QSOX1: variants seen among roughly 807,000 people sequenced by gnomAD.
QSOX1 encodes the protein sulfhydryl oxidase 1.
In QSOX1, 40 loss-of-function variants were observed where a neutral mutation model predicts 76.1. The ratio of observed to expected loss-of-function variants is 0.53; its 90% CI spans 0.41 to 0.68. The LOEUF is 0.68. QSOX1 is among the 30% of genes least tolerant of loss of function. QSOX1 has a pLI of 0.00. For synonymous variants in QSOX1, 392 were observed against 413.1 expected, an observed-to-expected ratio of 0.95 and a Z score of 0.62; for missense variants, 931 against 974.3, an observed-to-expected ratio of 0.96 and a Z score of 0.59.
At chr1:180,168,120 G>A (rs1020934780) in intron 2 of QSOX1, among the ~76,000 whole-genome samples, 2 of 152,258 alleles carry the variant, frequency 1.3e-5, no homozygotes, top group African/African-American at 2.4e-5. Flanking sequence ...GACTCTGCCT[G>A]GGAGAGGCTG....
chr1:180,175,504 T>G, intron 3 of QSOX1, 138 bp downstream of exon 3: 2 of 912,390 alleles, frequency 2.2e-6, no homozygotes, highest in Non-Finnish European at 3.6e-6. Context: ...GAAGCCTAAC[T>G]TGTGTCTTCC....
intron 2 of QSOX1, among the ~76,000 whole-genome samples, chr1:180,166,984 C>T (rs1324169698): frequency 6.6e-6 from 1 of 152,238 alleles, no homozygotes; most frequent in African/African-American, 2.4e-5. Context: ...AGCCTCACCC[C>T]ACTGTCAGAA....
intron 10 of QSOX1, among the ~76,000 whole-genome samples, chr1:180,193,527 G>A (rs1663377164): frequency 6.6e-6 from 1 of 152,000 alleles, no homozygotes; most frequent in Admixed American, 6.6e-5. Flanking sequence ...AGGAAGGAGC[G>A]AGCTTGGAGG....
intron 10 of QSOX1, among the ~76,000 whole-genome samples, chr1:180,192,119 G>T (rs980370277): frequency 6.6e-6 from 1 of 152,138 alleles, no homozygotes; most frequent in African/African-American, 2.4e-5. Flanking sequence ...CTGAGAGGCT[G>T]GGGATTAGGG....
chr1:180,186,333 G>A, intron 8 of QSOX1, 151 bp downstream of exon 8: 3 of 1,106,692 alleles, frequency 2.7e-6, no homozygotes, highest in South Asian at 1.6e-5. Context: ...TCCACCATAG[G>A]TGATACCCTC....
intron 5 of QSOX1, among the ~76,000 whole-genome samples, chr1:180,180,250 G>T (rs1003762231): frequency 6.6e-6 from 1 of 152,164 alleles, no homozygotes; most frequent in Non-Finnish European, 1.5e-5. Context: ...CACTCTTGTT[G>T]CCCAGGCTGG....
At chr1:180,195,001 G>GGT (rs1553275528) in intron 11 of QSOX1, among the ~76,000 whole-genome samples, 1 of 149,092 alleles carries the variant, frequency 6.7e-6, no homozygotes, top group Non-Finnish European at 1.5e-5. Context: ...CCTCCCGGGG[G>GGT]GGGGAGACCA....
Position 180,182,171 on chromosome 1 carries a change from C to T in QSOX1, c.607-3C>T. The stretch of plus-strand genomic sequence containing the variant: ...GCCCCCAGATGTTCTGCTGTCCCTG[C>T]AGGTGGCTCTGGACCTGTCCCAGCA... On this transcript the variant is annotated splice_region_variant and splice_polypyrimidine_tract_variant and intron_variant, in intron 5 of 11. Transcript: ENST00000367602. 6.2e-7 allele frequency: 1 copy of T among 1,613,962 alleles called. No individual in the cohort carries two copies. Among genetic ancestry groups the T allele is most frequent in the Non-Finnish European group, 8.5e-7 (1 of 1,179,864 alleles).
chr1:180,165,500 T>C (rs1662594367), intron 1 of QSOX1, among the ~76,000 whole-genome samples: 1 of 152,254 alleles, frequency 6.6e-6, no homozygotes, highest in African/African-American at 2.4e-5. Context: ...TCCACCTTGC[T>C]CAGGCAGTTC....
chr1:180,172,961 A>G (rs2149234480), intron 2 of QSOX1, among the ~76,000 whole-genome samples: 1 of 152,338 alleles, frequency 6.6e-6, no homozygotes, highest in Middle Eastern at 3.4e-3. Flanking sequence ...AGCTGTGGGA[A>G]AGCCACCCAT....
intron 1 of QSOX1, among the ~76,000 whole-genome samples, chr1:180,161,310 A>G (rs1411730037): frequency 6.6e-6 from 1 of 152,260 alleles, no homozygotes; most frequent in Non-Finnish European, 1.5e-5. Flanking sequence ...TTGCTTTGCT[A>G]GAACTTATCG....
chr1:180,190,627 G>C, intron 10 of QSOX1, 47 bp downstream of exon 10: 3 of 1,560,148 alleles, frequency 1.9e-6, no homozygotes, highest in Non-Finnish European at 2.6e-6. Context: ...ACCCTGCTCT[G>C]TTCGGCCCTC....
intron 10 of QSOX1, 46 bp from the exon 11 acceptor site, chr1:180,194,167 C>A: frequency 6.5e-7 from 1 of 1,549,410 alleles, no homozygotes; most frequent in South Asian, 1.2e-5. Flanking sequence ...GGCTGTGGGG[C>A]TGGCAGCCTG....
chr1:180,186,284 C>T, intron 8 of QSOX1, 102 bp downstream of exon 8: 1 of 1,470,848 alleles, frequency 6.8e-7, no homozygotes, highest in Non-Finnish European at 9.2e-7. Flanking sequence ...TCCAGAAGCC[C>T]ATGGTCTGGC....
In QSOX1 at chr1:180,198,284, T is replaced by C. The variant is rs986275494; in HGVS notation, c.*1247T>C. 5.5e-5 allele frequency: 25 copies of C among 456,444 alleles called. No homozygotes were observed. Among genetic ancestry groups the C allele is most frequent in the Middle Eastern group, 3.2e-4 (1 of 3,096 alleles). The allele number at this position is 456,444 out of a possible 1,614,324, so 28.3% of individuals were successfully genotyped here. On this transcript the variant is annotated 3_prime_UTR_variant, in exon 12 of 12. Transcript: ENST00000367602. ...TCCTCCCTGAGAGCTCCTGCCTCAGTGCCCTGGGCTGGTGAGGGAGAAGCC... is the reference window on the plus strand; with the variant it reads ...TCCTCCCTGAGAGCTCCTGCCTCAGCGCCCTGGGCTGGTGAGGGAGAAGCC...
At chr1:180,183,886 C>T (rs1185592580) in intron 6 of QSOX1, 30 bp from the exon 7 acceptor site, 1 of 1,599,312 alleles carries the variant, frequency 6.3e-7, no homozygotes, top group Non-Finnish European at 8.5e-7. Flanking sequence ...GCACTTACTG[C>T]CTCTCCTCCC....
intron 10 of QSOX1, among the ~76,000 whole-genome samples, chr1:180,190,951 A>G (rs1663293546): frequency 1.3e-5 from 2 of 152,184 alleles, no homozygotes; most frequent in African/African-American, 2.4e-5. Context: ...AAAAACGTGT[A>G]TTTTACAGTT....
Position 180,175,913 on chromosome 1 carries a change from G to T in QSOX1, c.413-18G>T. 1 of 1,565,132 alleles carries T rather than the reference G, an allele frequency of 6.4e-7. No individual in the cohort carries two copies. Among genetic ancestry groups the T allele is most frequent in the Non-Finnish European group, 8.7e-7 (1 of 1,150,898 alleles). ...TCTGCTCTCCTGACACTCCGCTCAC[G>T]CCTGTTTTCATTTACAGTGGCTGGT... On this transcript the variant is annotated intron_variant, in intron 3 of 11. Coordinates refer to ENST00000367602, the MANE Select transcript of QSOX1 (RefSeq NM_002826.5).
intron 10 of QSOX1, among the ~76,000 whole-genome samples, chr1:180,191,914 T>C (rs572491656): frequency 6.6e-6 from 1 of 152,054 alleles, no homozygotes; most frequent in East Asian, 1.9e-4. Flanking sequence ...CTGTGCTGGT[T>C]TCTTCGAGCC....
Sources: allele counts gnomAD v4.1 joint callset (sites outside exome capture counted in the v4.1 genomes callset), GRCh38; gene constraint gnomAD v4.1.1; transcripts MANE v1.5; gene names NCBI Gene and HGNC (gene_info 2026-07-23, HGNC 2026-07-21).